Variants in PUDP observed in about 807,000 individuals in gnomAD.
PUDP encodes pseudouridine-5'-phosphatase.
In PUDP, 8 loss-of-function variants were observed where a neutral mutation model predicts 9.4. The ratio of observed to expected loss-of-function variants is 0.85; its 90% confidence interval spans 0.50 to 1.53. The LOEUF is 1.53. PUDP is among the 40% of genes most tolerant of loss of function. PUDP has a pLI of 0.00. For synonymous variants in PUDP, 99 were observed against 80.7 expected (o/e 1.23, Z -1.22); for missense variants, 188 against 189.7 (o/e 0.99, Z 0.05).
intron 3 of PUDP, among the ~76,000 whole-genome samples, chrX:7,066,140 A>C (rs1930546587): frequency 8.9e-6 from 1 of 111,922 alleles, no homozygotes; most frequent in Non-Finnish European, 1.9e-5. Flanking sequence ...GTTGTCTGAA[A>C]CCTTGCTATC....
At chrX:6,794,841 G>A (rs1272547592) in intron 3 of PUDP, among the ~76,000 whole-genome samples, 1 of 108,932 alleles carries the variant, frequency 9.2e-6, no homozygotes, top group Admixed American at 9.8e-5. Context: ...TTACAGGTGT[G>A]AGCCACCACA....
At chrX:7,142,636 C>A (rs1477068988) in intron 1 of PUDP, among the ~76,000 whole-genome samples, 1 of 94,073 alleles carries the variant, frequency 1.1e-5, no homozygotes, top group Non-Finnish European at 2.1e-5. Context: ...TTTGAGAGGA[C>A]TCCAATTTTT....
At chrX:6,880,103 GTTT>G (rs200649633) in intron 3 of PUDP, among the ~76,000 whole-genome samples, 10,114 of 103,935 alleles carry the variant, frequency 0.097, 593 homozygotes, top group East Asian at 0.47. Flanking sequence ...AATCGTTAAG[GTTT>G]TTTTTTTTTT....
chrX:7,114,893 T>C (rs1932154275), intron 1 of PUDP, among the ~76,000 whole-genome samples: 1 of 112,521 alleles, frequency 8.9e-6, no homozygotes, highest in African/African-American at 3.2e-5. Context: ...TTGTACCCCA[T>C]TATGGTTTAG....
intron 2 of PUDP, among the ~76,000 whole-genome samples, chrX:7,080,541 A>G (rs1226424543): frequency 4.5e-5 from 5 of 111,988 alleles, no homozygotes; most frequent in Admixed American, 9.5e-5. Context: ...ATACATACAC[A>G]TACCTCCACG....
chrX:7,102,172 T>A (rs756312493), intron 2 of PUDP, among the ~76,000 whole-genome samples: 2 of 111,039 alleles, frequency 1.8e-5, no homozygotes, highest in Non-Finnish European at 3.8e-5. Context: ...ATATCCCTGA[T>A]GAACACAGGT....
chrX:7,083,935 C>A (rs911809283), intron 2 of PUDP, among the ~76,000 whole-genome samples: 51 of 110,703 alleles, frequency 4.6e-4, no homozygotes, highest in African/African-American at 1.6e-3. Flanking sequence ...AAAAGAAATA[C>A]GTCGTGATTT....
chrX:7,125,359 T>C (rs777462269), intron 1 of PUDP, among the ~76,000 whole-genome samples: 1 of 112,036 alleles, frequency 8.9e-6, no homozygotes, highest in East Asian at 2.8e-4. Flanking sequence ...TATACAAACA[T>C]AGAGCTCTAG....
intron 1 of PUDP, among the ~76,000 whole-genome samples, chrX:7,005,624 G>T (rs1290913369): frequency 9.1e-6 from 1 of 110,388 alleles, no homozygotes; most frequent in African/African-American, 3.3e-5. Flanking sequence ...TGCCCAGGCT[G>T]GTCTCGAACT....
At chrX:6,951,602 G>A (rs943499210) in intron 3 of PUDP, among the ~76,000 whole-genome samples, 5 of 111,553 alleles carry the variant, frequency 4.5e-5, no homozygotes, top group Non-Finnish European at 9.4e-5. Flanking sequence ...TTTAGAAGAT[G>A]CCTGCATGAA....
chrX:6,988,186 C>G (rs1028361067), intron 1 of PUDP, among the ~76,000 whole-genome samples: 1 of 112,103 alleles, frequency 8.9e-6, no homozygotes, highest in Non-Finnish European at 1.9e-5. Context: ...AAAGACAAAA[C>G]TGTGAACCTG....
chrX:6,879,546 TCTTGGGCAAGTCATTCCATAC>T (rs1286889384), intron 3 of PUDP, among the ~76,000 whole-genome samples: 1 of 111,673 alleles, frequency 9.0e-6, no homozygotes, highest in Non-Finnish European at 1.9e-5. Flanking sequence ...CACTATGGCA[TCTTGGGCAAGTCATTCCATAC>T]CTCTGGGTCT....
intron 3 of PUDP, among the ~76,000 whole-genome samples, chrX:6,841,909 G>T (rs75994803): frequency 9.2e-6 from 1 of 109,176 alleles, no homozygotes; most frequent in Non-Finnish European, 1.9e-5. Context: ...GTGTGTGTGT[G>T]GGGGGGGTTA....
At chrX:6,739,859 A>G (rs1002879973) in intron 3 of PUDP, among the ~76,000 whole-genome samples, 5 of 111,673 alleles carry the variant, frequency 4.5e-5, no homozygotes, top group Non-Finnish European at 9.4e-5. Context: ...ATACCTGGCT[A>G]TTTTTGGAGT....
At chrX:6,919,601 G>A (rs780634281) in intron 3 of PUDP, among the ~76,000 whole-genome samples, 1 of 110,207 alleles carries the variant, frequency 9.1e-6, no homozygotes, top group East Asian at 2.9e-4. Context: ...AAGACCCGTA[G>A]GTTTCTGATC....
chrX:7,032,367 CAA>C (rs1465749875), intron 1 of PUDP, among the ~76,000 whole-genome samples: 1 of 111,386 alleles, frequency 9.0e-6, no homozygotes, highest in African/African-American at 3.3e-5. Context: ...AGATATACAC[CAA>C]AGAGATATGA....
intron 2 of PUDP, among the ~76,000 whole-genome samples, chrX:7,081,538 A>G (rs1460136365): frequency 8.9e-6 from 1 of 112,641 alleles, no homozygotes; most frequent in African/African-American, 3.2e-5. Context: ...ACACACACCA[A>G]TGTGTCTAGA....
chrX:7,117,041 A>C (rs1359511753), intron 1 of PUDP: 3 of 1,166,723 alleles, frequency 2.6e-6, no homozygotes, highest in Non-Finnish European at 3.4e-6. Context: ...TAACCTGCAG[A>C]AATGTGAGCC....
At chrX:6,771,908 G>C (rs1019087059) in intron 3 of PUDP, among the ~76,000 whole-genome samples, 4 of 112,495 alleles carry the variant, frequency 3.6e-5, no homozygotes, top group African/African-American at 1.3e-4. Context: ...AGGTGGTATA[G>C]GTTGGATTCA....
Sources: allele counts gnomAD v4.1 joint callset (sites outside exome capture counted in the v4.1 genomes callset), GRCh38; gene constraint gnomAD v4.1.1; transcripts MANE v1.5; gene names NCBI Gene and HGNC (gene_info 2026-07-23, HGNC 2026-07-21).